The following HTR1F variants were observed in gnomAD, a reference collection of about 807,000 sequenced individuals.
HTR1F encodes the protein 5-hydroxytryptamine receptor 1F.
In HTR1F, 17 loss-of-function variants were observed where a neutral mutation model predicts 24.0. The observed-to-expected ratio is 0.71, with a 90% CI of 0.48 to 1.06. The LOEUF is 1.06. Among genes scored for constraint, HTR1F ranks in the 50% least tolerant of loss-of-function variants. The pLI, the probability that HTR1F is intolerant of heterozygous loss-of-function variation, is 0.00. For missense variants in HTR1F, 391 were observed against 427.8 expected (o/e 0.91, Z 0.76); for synonymous variants, 186 against 156.8 (o/e 1.19, Z -1.39).
chr3:87,985,416 A>G (rs1337713238), intron 2 of HTR1F, among the ~76,000 whole-genome samples: 1 of 152,118 alleles, frequency 6.6e-6, no homozygotes. Flanking sequence ...TACATCTCCT[A>G]CAGAGAGAAA....
intron 2 of HTR1F, among the ~76,000 whole-genome samples, chr3:87,837,401 T>C (rs1350242256): frequency 2.0e-5 from 3 of 152,142 alleles, no homozygotes; most frequent in Admixed American, 1.3e-4. Flanking sequence ...GAGAACCTCT[T>C]TTCTTACAGT....
chr3:87,968,817 C>G (rs1480874862), intron 2 of HTR1F, among the ~76,000 whole-genome samples: 1 of 152,200 alleles, frequency 6.6e-6, no homozygotes, highest in Non-Finnish European at 1.5e-5. Context: ...GGAAGCCCCT[C>G]CCTTCACAGG....
At chr3:87,902,131 A>G (rs1219008621) in intron 2 of HTR1F, among the ~76,000 whole-genome samples, 2 of 152,098 alleles carry the variant, frequency 1.3e-5, no homozygotes, top group Non-Finnish European at 2.9e-5. Flanking sequence ...TCAGTACCTA[A>G]AACAATAAAA....
intron 2 of HTR1F, among the ~76,000 whole-genome samples, chr3:87,988,365 CTT>C (rs1249504541): frequency 6.6e-6 from 1 of 151,870 alleles, no homozygotes; most frequent in East Asian, 1.9e-4. Flanking sequence ...GACAATCACT[CTT>C]TTTCAGGTAT....
At chr3:87,839,626 CTTTTA>C (rs1704757979) in intron 2 of HTR1F, among the ~76,000 whole-genome samples, 1 of 151,552 alleles carries the variant, frequency 6.6e-6, no homozygotes, top group South Asian at 2.1e-4. Flanking sequence ...TCACTTTTAA[CTTTTA>C]TTTTAGAATC....
chr3:87,989,704 A>G (rs890426912), intron 2 of HTR1F, among the ~76,000 whole-genome samples: 6 of 152,144 alleles, frequency 3.9e-5, no homozygotes, highest in African/African-American at 1.4e-4. Flanking sequence ...TTAATATAAT[A>G]TTTTCTTATA....
At chr3:87,944,961 A>G (rs115628273) in intron 2 of HTR1F, among the ~76,000 whole-genome samples, 15 of 152,318 alleles carry the variant, frequency 9.8e-5, no homozygotes, top group African/African-American at 3.4e-4. Context: ...AAGACCTCCA[A>G]TTATCAATTA....
intron 2 of HTR1F, among the ~76,000 whole-genome samples, chr3:87,919,655 A>C (rs1371468409): frequency 6.6e-6 from 1 of 152,178 alleles, no homozygotes; most frequent in African/African-American, 2.4e-5. Flanking sequence ...AATGCAAATC[A>C]AACCACGATA....
intron 2 of HTR1F, among the ~76,000 whole-genome samples, chr3:87,830,171 T>G (rs1306079773): frequency 6.6e-6 from 1 of 152,204 alleles, no homozygotes; most frequent in Non-Finnish European, 1.5e-5. Flanking sequence ...ACATACTTGC[T>G]TCACCTGGAT....
At chr3:87,886,219 A>C (rs958079760) in intron 2 of HTR1F, among the ~76,000 whole-genome samples, 44 of 152,280 alleles carry the variant, frequency 2.9e-4, no homozygotes, top group African/African-American at 1.0e-3. Flanking sequence ...CCATCACATA[A>C]ACAGAACCAA....
chr3:87,988,310 T>TA (rs200122834), intron 2 of HTR1F, among the ~76,000 whole-genome samples: 37,611 of 143,212 alleles, frequency 0.26, 5,274 homozygotes, highest in Non-Finnish European at 0.34. Context: ...AATGTTGACA[T>TA]AAAAAAAAAA....
chr3:87,903,057 A>G (rs1706367565), intron 2 of HTR1F, among the ~76,000 whole-genome samples: 1 of 151,752 alleles, frequency 6.6e-6, no homozygotes, highest in African/African-American at 2.4e-5. Context: ...GGTGCTGGGA[A>G]AACTGGCTAG....
chr3:87,942,766 A>C (rs1704602010), intron 2 of HTR1F, among the ~76,000 whole-genome samples: 1 of 148,710 alleles, frequency 6.7e-6, no homozygotes, highest in African/African-American at 2.5e-5. Flanking sequence ...TGTTTGTCCT[A>C]TTCCACCTGC....
At chr3:87,989,585 A>G (rs562978275) in intron 2 of HTR1F, among the ~76,000 whole-genome samples, 1 of 152,328 alleles carries the variant, frequency 6.6e-6, no homozygotes, top group Admixed American at 6.5e-5. Context: ...TATAACCTCC[A>G]TAGCTTGACA....
chr3:87,981,727 C>T (rs979111033), intron 2 of HTR1F, among the ~76,000 whole-genome samples: 3 of 152,168 alleles, frequency 2.0e-5, no homozygotes, highest in Admixed American at 1.3e-4. Flanking sequence ...TATTTCCTCT[C>T]TTTTCCATAG....
chr3:87,841,851 G>T (rs1415407511), intron 2 of HTR1F, among the ~76,000 whole-genome samples: 9 of 129,162 alleles, frequency 7.0e-5, no homozygotes, highest in African/African-American at 2.7e-4. Flanking sequence ...AGTGAGCTGA[G>T]ATCATGCCAC....
At position 87,872,919 on chromosome 3, in the gene HTR1F, A is replaced by G. The variant is rs368053054; in HGVS notation, c.-43+50795A>G. On this transcript the variant is annotated intron_variant, in intron 2 of 2. Coordinates refer to ENST00000319595, the MANE Select transcript of HTR1F (RefSeq NM_001322209.2). ...CTCTCCAAAAAATTGGGAGGAAGGA[A>G]TGCTTTGAAACTTATTTTATGAGGC... is the stretch of plus-strand genomic sequence containing the variant. Among the ~76,000 whole-genome samples, 4 of 152,078 alleles carry G rather than the reference A, an allele frequency of 2.6e-5. 1 individual carries two copies. The highest frequency in any genetic ancestry group is 9.7e-5 in the African/African-American group (4 of 41,420).
intron 2 of HTR1F, among the ~76,000 whole-genome samples, chr3:87,859,188 A>G (rs1705265138): frequency 6.6e-6 from 1 of 152,200 alleles, no homozygotes. Flanking sequence ...ACAAGAGTGA[A>G]ACTCTGTGTC....
chr3:87,801,373 G>T (rs1271263198), intron 1 of HTR1F, among the ~76,000 whole-genome samples: 1 of 152,162 alleles, frequency 6.6e-6, no homozygotes, highest in Admixed American at 6.6e-5. Flanking sequence ...CAGAATATCT[G>T]AAACAGGTCT....
Sources: allele counts gnomAD v4.1 joint callset (sites outside exome capture counted in the v4.1 genomes callset), GRCh38; gene constraint gnomAD v4.1.1; transcripts MANE v1.5; gene names NCBI Gene and HGNC (gene_info 2026-07-23, HGNC 2026-07-21).